The following OIT3 variants were observed in gnomAD, a reference collection of about 807,000 sequenced individuals.
OIT3 encodes the protein oncoprotein-induced transcript 3 protein.
In OIT3, 41 loss-of-function variants were observed where a neutral mutation model predicts 52.2. The observed-to-expected ratio is 0.79, with a 90% CI of 0.61 to 1.02. OIT3 has a LOEUF of 1.02. OIT3 is among the 50% of genes least tolerant of loss of function. OIT3 has a pLI of 0.00. For synonymous variants in OIT3, 244 were observed against 276.9 expected, an observed-to-expected ratio of 0.88 and a Z score of 1.18; for missense variants, 634 against 715.5, an observed-to-expected ratio of 0.89 and a Z score of 1.30.
In OIT3 at chr10:72,900,456, G is replaced by A. The variant is rs1313682940; in HGVS notation, c.516G>A (p.Val172=). 4 of 1,609,576 alleles carry A rather than the reference G, an allele frequency of 2.5e-6. No homozygotes were observed. Among genetic ancestry groups the A allele is most frequent in the African/African-American group, 1.3e-5 (1 of 74,826 alleles). Residue 172 remains valine (V), a synonymous_variant, in exon 3 of 9, where the codon GTG becomes GTA. Transcript: ENST00000334011. The stretch of plus-strand genomic sequence containing the variant: ...AGTGCACATGCGCTCCAGGAACTGT[G>A]CTAGGCCCTGACAGGCAGACATGCT... ...TSECTCAPGT[V]LGPDRQTCFD...
chr10:72,923,585 G>C (rs963340515), intron 6 of OIT3, among the ~76,000 whole-genome samples: 4 of 152,190 alleles, frequency 2.6e-5, no homozygotes, highest in African/African-American at 9.7e-5. Flanking sequence ...TGCTGAAACA[G>C]CAAAGATGGT....
chr10:72,906,568 T>C (rs1414587034), intron 3 of OIT3, 28 bp from the exon 4 acceptor site: 1 of 1,613,356 alleles, frequency 6.2e-7, no homozygotes, highest in South Asian at 1.1e-5. Flanking sequence ...CTCAGCAGTA[T>C]AGAAACAGTG....
chr10:72,928,030 C>T (rs903245833), intron 7 of OIT3, among the ~76,000 whole-genome samples: 1 of 152,040 alleles, frequency 6.6e-6, no homozygotes, highest in African/African-American at 2.4e-5. Flanking sequence ...AGTCCACAAA[C>T]CTAAAATAAA....
At position 72,905,530 on chromosome 10, in the gene OIT3, G is replaced by A. The variant is rs562991018; in HGVS notation, c.545-1066G>A. ...TCAAATATCCAAACCACAGCACCTG[G>A]TTTGAGGAAGTTTTACACAGAGCAC... On this transcript the variant is annotated intron_variant, in intron 3 of 8. Transcript: ENST00000334011. Among the ~76,000 whole-genome samples the A allele has an allele frequency of 4.6e-5, 7 of 152,272 alleles. No individual in the cohort carries two copies. In the South Asian group the frequency reaches 1.5e-3, roughly 32 times the overall value.
intron 6 of OIT3, among the ~76,000 whole-genome samples, chr10:72,921,301 G>A (rs1296018014): frequency 2.0e-5 from 3 of 152,148 alleles, no homozygotes; most frequent in African/African-American, 7.2e-5. Context: ...TTTACTTTGA[G>A]CCTATGTGTA....
intron 7 of OIT3, among the ~76,000 whole-genome samples, chr10:72,925,587 T>C (rs1846163223): frequency 6.6e-6 from 1 of 152,154 alleles, no homozygotes; most frequent in Admixed American, 6.5e-5. Flanking sequence ...GACATAGATA[T>C]AGCAGTTTGG....
chr10:72,903,657 T>G (rs999129142), intron 3 of OIT3, among the ~76,000 whole-genome samples: 1 of 152,202 alleles, frequency 6.6e-6, no homozygotes, highest in Admixed American at 6.5e-5. Flanking sequence ...CTCATCCCAT[T>G]TTAATGCTTT....
rs766091168 is a variant in OIT3, at chr10:72,924,231, G to A, written c.954G>A (p.Val318=). The stretch of plus-strand genomic sequence containing the variant: ...CTCCTCACCCTGGCCTGGCTCAGGT[G>A]GTGAATGACAAGATTGTGGCCAGCA... ...SLKTCGTVVD[V]VNDKIVASNL... The change falls in exon 7 of 9, where the codon GTG becomes GTA. Residue 318 remains valine, a splice_region_variant and synonymous_variant. Transcript: ENST00000334011. The A allele has an allele frequency of 1.3e-6, 2 of 1,589,896 alleles. No homozygotes were observed.
intron 7 of OIT3, 72 bp from the exon 8 acceptor site, chr10:72,930,466 A>G: frequency 8.5e-7 from 1 of 1,173,768 alleles, no homozygotes; most frequent in Middle Eastern, 1.9e-4. Flanking sequence ...TTGGGCCAAA[A>G]TGTTGGGTTA....
Position 72,914,471 on chromosome 10 carries a change from G to A in OIT3, c.951+1003G>A, listed in dbSNP as rs144357741. Among the ~76,000 whole-genome samples the A allele has an allele frequency of 9.9e-5, 15 of 152,270 alleles. No homozygotes were observed. The East Asian group carries it at 2.1e-3, about 22-fold the overall frequency. The stretch of plus-strand genomic sequence containing the variant: ...TAAATGAAAATCAGAAAGCTGATTC[G>A]ACTTGCAGTGAGACAAGTGAGGGAT... On this transcript the variant is annotated intron_variant, in intron 6 of 8. Transcript: ENST00000334011.
intron 3 of OIT3, among the ~76,000 whole-genome samples, chr10:72,903,925 T>A (rs1845954986): frequency 6.6e-6 from 1 of 152,106 alleles, no homozygotes; most frequent in Non-Finnish European, 1.5e-5. Context: ...ACCCCTCATA[T>A]TGTCTTATGC....
intron 5 of OIT3, 60 bp downstream of exon 5, chr10:72,911,899 GCT>G: frequency 1.3e-6 from 2 of 1,495,526 alleles, no homozygotes; most frequent in South Asian, 1.3e-5. Flanking sequence ...CTCTCCCAAA[GCT>G]CTTTGTCTTC....
chr10:72,916,492 A>G (rs1846074164), intron 6 of OIT3, among the ~76,000 whole-genome samples: 1 of 152,210 alleles, frequency 6.6e-6, no homozygotes, highest in Non-Finnish European at 1.5e-5. Context: ...ACTCCCTGCA[A>G]AGGACATGAT....
intron 6 of OIT3, among the ~76,000 whole-genome samples, chr10:72,916,339 T>C (rs1294549759): frequency 2.6e-5 from 4 of 152,082 alleles, no homozygotes; most frequent in Non-Finnish European, 4.4e-5. Flanking sequence ...TTCCACTCTC[T>C]GATAGGCCCC....
chr10:72,924,167 G>C (rs7921735), intron 6 of OIT3, 62 bp from the exon 7 acceptor site: 1 of 1,398,076 alleles, frequency 7.2e-7, no homozygotes. Flanking sequence ...AGAGGAGGGG[G>C]AAAAAAAACT....
At chr10:72,931,773 T>C (rs1228031116) in intron 8 of OIT3, among the ~76,000 whole-genome samples, 1 of 152,214 alleles carries the variant, frequency 6.6e-6, no homozygotes, top group East Asian at 1.9e-4. Flanking sequence ...GTGTACTTGT[T>C]GAAACATTTA....
intron 3 of OIT3, among the ~76,000 whole-genome samples, chr10:72,901,162 A>T (rs1845931589): frequency 6.6e-6 from 1 of 152,168 alleles, no homozygotes; most frequent in Non-Finnish European, 1.5e-5. Flanking sequence ...ATTAAAATTA[A>T]TTTCGCCAGT....
At chr10:72,924,166 G>A (rs1332245179) in intron 6 of OIT3, 63 bp from the exon 7 acceptor site, 82 of 1,400,880 alleles carry the variant, frequency 5.9e-5, no homozygotes, top group East Asian at 9.3e-5. Context: ...GAGAGGAGGG[G>A]GAAAAAAAAC....
At chr10:72,896,836 G>A (rs1564588223) in intron 1 of OIT3, among the ~76,000 whole-genome samples, 1 of 152,174 alleles carries the variant, frequency 6.6e-6, no homozygotes, top group Non-Finnish European at 1.5e-5. Flanking sequence ...TGTGCATTAA[G>A]AAGGATAATA....
Sources: allele counts gnomAD v4.1 joint callset (sites outside exome capture counted in the v4.1 genomes callset), GRCh38; gene constraint gnomAD v4.1.1; transcripts MANE v1.5; gene names NCBI Gene and HGNC (gene_info 2026-07-23, HGNC 2026-07-21).